Variants in ARHGEF11 observed in about 807,000 individuals in gnomAD.
The protein encoded by ARHGEF11 is Rho guanine nucleotide exchange factor 11.
Under a neutral mutation model 193.7 loss-of-function variants are expected in ARHGEF11, and 55 were observed. The ratio of observed to expected loss-of-function variants is 0.28; its 90% CI spans 0.23 to 0.36. The LOEUF (loss-of-function observed/expected upper bound fraction) is 0.36. ARHGEF11 is among the 10% of genes least tolerant of loss of function. The pLI is 1.00. For missense variants in ARHGEF11, 1,723 were observed against 2,005.6 expected (o/e 0.86, Z 2.69); for synonymous variants, 693 against 768.0 (o/e 0.90, Z 1.62).
intron 1 of ARHGEF11, among the ~76,000 whole-genome samples, chr1:157,029,428 T>C (rs1200308111): frequency 6.6e-6 from 1 of 152,088 alleles, no homozygotes; most frequent in Non-Finnish European, 1.5e-5. Context: ...CCTACCACCA[T>C]GCCCAGCTAA....
At position 156,937,400 on chromosome 1, in the gene ARHGEF11, G is replaced by A. The variant is rs1004836662; in HGVS notation, c.4289C>T (p.Pro1430Leu). ...AGGCTGAGGCTCTGTCTGCCCTGCA[G>A]GGAGGCTGTCAGGCTGAGGGGGGCT... is the stretch of plus-strand genomic sequence containing the variant. ...PMSPPQPDSL[P>L]AGQTEPQPQL... The change falls in exon 39 of 41, where the codon CCT becomes CTT. Residue 1430 changes from proline (P) to leucine (L), a missense_variant. Around this residue, in one of 5 missense-constraint regions of ARHGEF11, gnomAD observed 360 missense variants for 344.4 expected, o/e 1.05. Coordinates refer to ENST00000368194, the MANE Select transcript of ARHGEF11 (RefSeq NM_198236.3). 1 of 1,598,698 alleles carries A rather than the reference G, an allele frequency of 6.3e-7. No individual in the cohort carries two copies. The highest frequency in any genetic ancestry group is 1.1e-5 in the South Asian group (1 of 88,156).
intron 1 of ARHGEF11, among the ~76,000 whole-genome samples, chr1:156,996,822 A>C (rs1666577504): frequency 7.1e-6 from 1 of 141,608 alleles, no homozygotes; most frequent in Admixed American, 7.2e-5. Context: ...TGATTCTGCC[A>C]CTTACTAGCT....
chr1:156,937,566 G>A, intron 38 of ARHGEF11, 70 bp from the exon 39 acceptor site: 1 of 1,473,020 alleles, frequency 6.8e-7, no homozygotes, highest in Non-Finnish European at 9.1e-7. Context: ...CCGTTCCTGT[G>A]GGATTCCCCA....
intron 28 of ARHGEF11, 86 bp from the exon 29 acceptor site, chr1:156,946,248 A>G (rs1269570193): frequency 9.1e-7 from 1 of 1,097,838 alleles, no homozygotes; most frequent in Non-Finnish European, 1.4e-6. Flanking sequence ...GGGTGTGAAC[A>G]TGACAAACAG....
At position 157,045,639 on chromosome 1, in the gene ARHGEF11, C is replaced by T. The variant is rs886457418; in HGVS notation, c.-1309G>A. ...GCTCCCGGCGCCGCTCGCCCCGCGC[C>T]CGACCGCCGTGTTCCGGCCTTCGCG... On this transcript the variant is annotated 5_prime_UTR_variant, in exon 1 of 41. Transcript: ENST00000368194. Among the ~76,000 whole-genome samples, 6 of 151,044 alleles carry T rather than the reference C, an allele frequency of 4.0e-5. No individual in the cohort carries two copies. Among genetic ancestry groups the T allele is most frequent in the Non-Finnish European group, 5.9e-5 (4 of 67,692 alleles).
chr1:157,030,686 T>TA lies in ARHGEF11; in HGVS notation c.32+13612dup, dbSNP rs571213421. Among the ~76,000 whole-genome samples the TA allele has an allele frequency of 2.4e-3, 358 of 146,164 alleles. 2 individuals are homozygous for TA. Among genetic ancestry groups the TA allele is most frequent in the South Asian group, 0.017 (80 of 4,598 alleles). On this transcript the variant is annotated intron_variant, in intron 1 of 40. Transcript: ENST00000368194. Reference sequence around the variant, plus strand: ...AGGTTAGGGCTCAGTAGGCACAGAATAAAAAAAAAAATCCCAACTCCATTA... The same window carrying TA: ...AGGTTAGGGCTCAGTAGGCACAGAATAAAAAAAAAAAATCCCAACTCCATTA...
intron 1 of ARHGEF11, among the ~76,000 whole-genome samples, chr1:156,988,240 G>C (rs538619721): frequency 6.6e-6 from 1 of 152,326 alleles, no homozygotes; most frequent in African/African-American, 2.4e-5. Context: ...TGAAAGCAGA[G>C]AGGGTCTTGC....
intron 21 of ARHGEF11, among the ~76,000 whole-genome samples, chr1:156,953,282 A>T (rs1396264536): frequency 1.3e-5 from 2 of 152,218 alleles, no homozygotes; most frequent in African/African-American, 2.4e-5. Flanking sequence ...CTCTCTACAA[A>T]AAATAAATTA....
rs750209448 is a variant in ARHGEF11 at position 156,978,298 on chromosome 1, G to A, written c.416C>T (p.Ala139Val). 1.3e-5 allele frequency: 21 copies of A among 1,614,010 alleles called. No individual in the cohort carries two copies. The highest frequency in any genetic ancestry group is 1.6e-4 in the Middle Eastern group (1 of 6,082). Reference protein sequence around the residue: ...ISGLQQDPSPAGAPRITSVIP... With the variant: ...ISGLQQDPSPVGAPRITSVIP... ...CACTGACGTGATTCGGGGAGCTCCT[G>A]CTGGGGATGGGTCCTGCTGGAGCCC... Residue 139 changes from alanine to valine, a missense_variant, in exon 6 of 41, where the codon GCA (alanine) becomes GTA (valine). This residue lies in a region of ARHGEF11 where 646 missense variants were observed against 710.7 expected (regional missense o/e 0.91). Transcript: ENST00000368194.
chr1:156,941,271 G>A (rs943926769), intron 35 of ARHGEF11, 101 bp downstream of exon 35: 18 of 1,071,416 alleles, frequency 1.7e-5, no homozygotes, highest in South Asian at 3.8e-5. Flanking sequence ...CTCACACCCC[G>A]GGCCCTGATG....
intron 6 of ARHGEF11, 104 bp from the exon 7 acceptor site, chr1:156,977,158 C>G: frequency 1.0e-6 from 1 of 971,634 alleles, no homozygotes. Context: ...GAGAATAGAG[C>G]CTGGATCATA....
chr1:157,021,307 T>G (rs914556580), intron 1 of ARHGEF11, among the ~76,000 whole-genome samples: 10 of 152,142 alleles, frequency 6.6e-5, no homozygotes, highest in African/African-American at 2.4e-4. Context: ...GTCAAGTATT[T>G]GAGGATGGCA....
At position 156,958,876 on chromosome 1, in the gene ARHGEF11, A is replaced by G; in HGVS notation, c.1380-12T>C. 6.2e-7 allele frequency: 1 copy of G among 1,614,046 alleles called. No individual in the cohort carries two copies. Among genetic ancestry groups the G allele is most frequent in the Non-Finnish European group, 8.5e-7 (1 of 1,179,980 alleles). On this transcript the variant is annotated splice_polypyrimidine_tract_variant and intron_variant, in intron 16 of 40. Transcript: ENST00000368194. ...GTGTGCGCTTCGTTCTAAGCCAGATAAACACAGGGAAAGAAAGAAATATAC... is the reference window on the plus strand; with the variant it reads ...GTGTGCGCTTCGTTCTAAGCCAGATGAACACAGGGAAAGAAAGAAATATAC...
intron 20 of ARHGEF11, 66 bp downstream of exon 20, chr1:156,955,637 G>T: frequency 7.9e-7 from 1 of 1,266,394 alleles, no homozygotes; most frequent in South Asian, 1.2e-5. Context: ...CCAACATACT[G>T]GTACATGAAA....
chr1:156,958,586 T>C (rs907021137), intron 17 of ARHGEF11, among the ~76,000 whole-genome samples, 156 bp downstream of exon 17: 1 of 152,184 alleles, frequency 6.6e-6, no homozygotes, highest in Non-Finnish European at 1.5e-5. Flanking sequence ...GCCCTCAGCC[T>C]GACCAATGCA....
At chr1:156,955,937 G>A in intron 19 of ARHGEF11, 138 bp from the exon 20 acceptor site, 1 of 731,520 alleles carries the variant, frequency 1.4e-6, no homozygotes, top group Non-Finnish European at 2.4e-6. Context: ...ACCCTAACAA[G>A]CATGTTCGCC....
chr1:156,999,053 G>A (rs1666899535), intron 1 of ARHGEF11, among the ~76,000 whole-genome samples: 1 of 152,180 alleles, frequency 6.6e-6, no homozygotes, highest in African/African-American at 2.4e-5. Flanking sequence ...GAGGGAGGGG[G>A]CGGGCCCTTC....
At chr1:156,944,514 T>C in intron 30 of ARHGEF11, 81 bp from the exon 31 acceptor site, 2 of 1,439,798 alleles carry the variant, frequency 1.4e-6, no homozygotes, top group Non-Finnish European at 2.0e-6. Context: ...TGCCAGACAT[T>C]GTGTTAAGGT....
intron 1 of ARHGEF11, among the ~76,000 whole-genome samples, chr1:157,037,270 A>T (rs956266267): frequency 6.6e-6 from 1 of 152,126 alleles, no homozygotes; most frequent in Non-Finnish European, 1.5e-5. Context: ...TCTTTTCCTA[A>T]GATTGCTACA....
Sources: gnomAD v4.1 joint callset for allele counts (sites outside exome capture counted in the v4.1 genomes callset) on GRCh38, gnomAD v4.1.1 for gene constraint, gnomAD v4.1.1 regional missense constraint, MANE v1.5 for transcripts, NCBI Gene and HGNC (gene_info 2026-07-23, HGNC 2026-07-21) for gene names.